PPP1R1C: variants seen among roughly 807,000 people sequenced by gnomAD.
PPP1R1C encodes protein phosphatase 1 regulatory inhibitor subunit 1C, also known as protein phosphatase 1 regulatory subunit 1C.
A neutral mutation model predicts 17.4 loss-of-function variants in PPP1R1C; 15 were observed. That is an observed-to-expected ratio of 0.86 (90% CI 0.58 to 1.33). The LOEUF (loss-of-function observed/expected upper bound fraction) is 1.33, where lower values mean the gene tolerates loss of function less well. PPP1R1C is among the 40% of genes most tolerant of loss of function. PPP1R1C has a pLI of 0.00. For missense variants in PPP1R1C, 143 were observed against 130.0 expected, an observed-to-expected ratio of 1.10 and a Z score of -0.48; for synonymous variants, 35 against 43.1, an observed-to-expected ratio of 0.81 and a Z score of 0.73.
At chr2:182,003,394 C>A (rs928716400) in intron 2 of PPP1R1C, among the ~76,000 whole-genome samples, 4 of 152,092 alleles carry the variant, frequency 2.6e-5, no homozygotes, top group African/African-American at 9.7e-5. Flanking sequence ...CTACCTTAAA[C>A]CTTTGATAGA....
chr2:182,001,070 C>A (rs548513891), intron 2 of PPP1R1C, among the ~76,000 whole-genome samples: 1 of 152,234 alleles, frequency 6.6e-6, no homozygotes, highest in Non-Finnish European at 1.5e-5. Flanking sequence ...TGATGCATAA[C>A]CCATTGGATT....
chr2:182,078,719 T>G (rs117639783), intron 4 of PPP1R1C, among the ~76,000 whole-genome samples: 3 of 152,340 alleles, frequency 2.0e-5, no homozygotes, highest in East Asian at 3.9e-4. Context: ...TATTTAACCT[T>G]TATACTCTTT....
intron 4 of PPP1R1C, among the ~76,000 whole-genome samples, chr2:182,083,641 A>G (rs1051293988): frequency 5.3e-5 from 8 of 151,826 alleles, no homozygotes; most frequent in Admixed American, 3.3e-4. Flanking sequence ...TATACACCAC[A>G]TTTTCTTTAT....
intron 1 of PPP1R1C, among the ~76,000 whole-genome samples, chr2:181,963,076 GTTCAGAGCTTATA>G (rs1684837139): frequency 6.6e-6 from 1 of 152,134 alleles, no homozygotes; most frequent in Non-Finnish European, 1.5e-5. Context: ...AAGTTTCTAT[GTTCAGAGCTTATA>G]TTCAGTGACA....
At position 181,959,426 on chromosome 2, in the gene PPP1R1C, GGTTA is replaced by G. The variant is rs200600261; in HGVS notation, n.111+4793_111+4796del. Among the ~76,000 whole-genome samples the G allele has an allele frequency of 6.0e-3, 916 of 152,108 alleles. 11 individuals are homozygous for G. Among genetic ancestry groups the G allele is most frequent in the African/African-American group, 0.021 (858 of 41,496 alleles). On this transcript the variant is annotated intron_variant and non_coding_transcript_variant, in intron 1 of 5. Coordinates refer to the PPP1R1C transcript ENST00000464264. Reference sequence around the variant, plus strand: ...ATATTGTGTATTGTGAGTAATTAATGGTTATGTCTATTTAAATTTGCTTTATACA... The same window carrying G: ...ATATTGTGTATTGTGAGTAATTAATGTGTCTATTTAAATTTGCTTTATACA...
At chr2:182,014,895 G>C (rs563651891) in intron 2 of PPP1R1C, among the ~76,000 whole-genome samples, 8 of 151,994 alleles carry the variant, frequency 5.3e-5, no homozygotes, top group Non-Finnish European at 1.0e-4. Flanking sequence ...GGACTCTTTA[G>C]TCAGCTTGTA....
intron 2 of PPP1R1C, among the ~76,000 whole-genome samples, chr2:182,010,888 G>GTT (rs1395606638): frequency 1.3e-5 from 2 of 151,912 alleles, no homozygotes; most frequent in Non-Finnish European, 2.9e-5. Context: ...ATCATATGGT[G>GTT]TTAGTCCTTT....
chr2:182,004,959 T>C (rs976541179), intron 2 of PPP1R1C, among the ~76,000 whole-genome samples: 1 of 152,172 alleles, frequency 6.6e-6, no homozygotes, highest in African/African-American at 2.4e-5. Flanking sequence ...GAATTCAGAA[T>C]GGAACCCATT....
At chr2:182,092,701 A>G (rs935331991) in intron 4 of PPP1R1C, among the ~76,000 whole-genome samples, 9 of 152,210 alleles carry the variant, frequency 5.9e-5, no homozygotes, top group Non-Finnish European at 2.9e-5. Flanking sequence ...TACAGGCCCA[A>G]TGCAAGTCCA....
rs541392271 is a variant in PPP1R1C, at chr2:182,088,549, G to A, written c.241+24758G>A. Among the ~76,000 whole-genome samples, 17 of 152,268 alleles carry A rather than the reference G, an allele frequency of 1.1e-4. No homozygotes were observed. The South Asian group carries it at 3.5e-3, about 32-fold the overall frequency. ...TCAGAGTTTGTGGGTAGCAGTCAAG[G>A]CGATGGGGACATAGAATGAGGCTGT... On this transcript the variant is annotated intron_variant, in intron 4 of 4. Coordinates refer to ENST00000682840, the MANE Select transcript of PPP1R1C (RefSeq NM_001080545.3).
chr2:182,061,378 T>G, intron 2 of PPP1R1C, 64 bp from the exon 3 acceptor site: 2 of 1,089,004 alleles, frequency 1.8e-6, no homozygotes, highest in Non-Finnish European at 2.6e-6. Flanking sequence ...GTTGAAAATG[T>G]TAATATATAT....
intron 4 of PPP1R1C, among the ~76,000 whole-genome samples, chr2:182,092,672 T>C (rs1688816305): frequency 6.6e-6 from 1 of 152,164 alleles, no homozygotes; most frequent in African/African-American, 2.4e-5. Context: ...ATGGGAGTAA[T>C]TGGCCAAAAC....
Position 181,962,036 on chromosome 2 carries a change from G to T in PPP1R1C, n.111+7402G>T, listed in dbSNP as rs1684807896. On this transcript the variant is annotated intron_variant and non_coding_transcript_variant, in intron 1 of 5. Coordinates refer to the PPP1R1C transcript ENST00000464264. The surrounding 1 kb of genome is among the most constrained non-coding windows in gnomAD (Gnocchi z 6.0). Reference sequence around the variant, plus strand: ...ATTGTCAATCTGCAAAACGATGCCGGCATTGTCCACAGTATTTGCGAAGAT... The same window carrying T: ...ATTGTCAATCTGCAAAACGATGCCGTCATTGTCCACAGTATTTGCGAAGAT... 1.4e-6 allele frequency: 1 copy of T among 726,348 alleles called. No homozygotes were observed. The allele number at this position is 726,348 out of a possible 1,614,324, so 45.0% of individuals were successfully genotyped here. A position where few individuals can be genotyped will look rare whatever the true frequency, so the allele number is the denominator to read the frequency against.
chr2:181,999,980 G>A (rs1318190512), intron 2 of PPP1R1C, among the ~76,000 whole-genome samples: 2 of 152,076 alleles, frequency 1.3e-5, no homozygotes, highest in Non-Finnish European at 2.9e-5. Context: ...AAACATGACC[G>A]ATTTGTGCAC....
chr2:182,023,093 C>A (rs1686479009), intron 2 of PPP1R1C, among the ~76,000 whole-genome samples: 1 of 152,008 alleles, frequency 6.6e-6, no homozygotes, highest in Admixed American at 6.6e-5. Flanking sequence ...ATGTAAAAAA[C>A]CACAATGTAG....
At chr2:182,039,875 A>C (rs767803792) in intron 2 of PPP1R1C, among the ~76,000 whole-genome samples, 2 of 152,168 alleles carry the variant, frequency 1.3e-5, no homozygotes, top group African/African-American at 4.8e-5. Flanking sequence ...CCCATAGCTT[A>C]TCTCCAATTA....
At chr2:181,995,173 C>G (rs890879995) in intron 2 of PPP1R1C, among the ~76,000 whole-genome samples, 1 of 152,064 alleles carries the variant, frequency 6.6e-6, no homozygotes, top group African/African-American at 2.4e-5. Context: ...GCCAAAAATA[C>G]AAAATATATT....
At chr2:182,073,853 C>T (rs1688210769) in intron 4 of PPP1R1C, among the ~76,000 whole-genome samples, 1 of 152,142 alleles carries the variant, frequency 6.6e-6, no homozygotes, top group Non-Finnish European at 1.5e-5. Flanking sequence ...GGAGAAAACA[C>T]TGAACAGATG....
At chr2:182,049,204 C>G (rs1228178695) in intron 2 of PPP1R1C, among the ~76,000 whole-genome samples, 1 of 151,862 alleles carries the variant, frequency 6.6e-6, no homozygotes, top group African/African-American at 2.4e-5. Context: ...GTGGCGGGTG[C>G]CTGTAGTCCC....
Sources: gnomAD v4.1 joint callset for allele counts (sites outside exome capture counted in the v4.1 genomes callset) on GRCh38, gnomAD v4.1.1 for gene constraint, Gnocchi (gnomAD v3.1) non-coding constraint, MANE v1.5 for transcripts, NCBI Gene and HGNC (gene_info 2026-07-23, HGNC 2026-07-21) for gene names.